HPSE2: variants seen among roughly 807,000 people sequenced by gnomAD.
HPSE2 encodes inactive heparanase-2.
Under a neutral mutation model 60.5 loss-of-function variants are expected in HPSE2, and 38 were observed. The ratio of observed to expected loss-of-function variants is 0.63; its 90% CI spans 0.48 to 0.82. The LOEUF is 0.82. Ranked by LOEUF, HPSE2 falls within the 40% of genes least tolerant of loss-of-function variation. The pLI, the probability that HPSE2 is intolerant of heterozygous loss-of-function variation, is 0.00. For synonymous variants in HPSE2, 295 were observed against 293.2 expected, an observed-to-expected ratio of 1.01 and a Z score of -0.06; for missense variants, 713 against 740.4, an observed-to-expected ratio of 0.96 and a Z score of 0.43.
At chr10:99,312,884 G>T in the HPSE2 span, among the ~76,000 whole-genome samples, 1 of 152,194 alleles carries the variant, frequency 6.6e-6, no homozygotes, top group South Asian at 2.1e-4. Context: ...GTATGGCCAG[G>T]TGGGAGGTCA....
At chr10:98,586,096 A>G (rs879094694) in intron 9 of HPSE2, among the ~76,000 whole-genome samples, 3 of 152,160 alleles carry the variant, frequency 2.0e-5, no homozygotes, top group Admixed American at 2.0e-4. Flanking sequence ...AGACAACAAA[A>G]AAGACATGGA....
chr10:98,483,053 A>G (rs1172596188), intron 10 of HPSE2, among the ~76,000 whole-genome samples: 2 of 152,230 alleles, frequency 1.3e-5, no homozygotes, highest in Non-Finnish European at 2.9e-5. Context: ...GGCATATATT[A>G]CCATAGTATG....
intron 9 of HPSE2, among the ~76,000 whole-genome samples, chr10:98,537,623 TTC>T (rs1564949064): frequency 1.3e-5 from 2 of 152,208 alleles, no homozygotes; most frequent in Non-Finnish European, 2.9e-5. Flanking sequence ...CAGGTGAGCC[TTC>T]TGTCACGCCC....
intron 2 of HPSE2, among the ~76,000 whole-genome samples, chr10:99,145,081 C>T (rs551886749): frequency 1.3e-5 from 2 of 152,328 alleles, no homozygotes; most frequent in East Asian, 3.9e-4. Flanking sequence ...TTTTCCCATA[C>T]TGCTTTTTAT....
chr10:98,699,488 A>G (rs1948339423), intron 5 of HPSE2, among the ~76,000 whole-genome samples: 1 of 100,416 alleles, frequency 1.0e-5, no homozygotes, highest in Non-Finnish European at 2.3e-5. Context: ...GATGGGACAT[A>G]TCTCAAAATA....
chr10:99,245,832 A>G, the HPSE2 span, among the ~76,000 whole-genome samples: 1 of 152,242 alleles, frequency 6.6e-6, no homozygotes, highest in African/African-American at 2.4e-5. Context: ...TTGAATGAAG[A>G]TGGTCAGTAA....
At chr10:98,747,304 C>T (rs76723554) in intron 3 of HPSE2, among the ~76,000 whole-genome samples, 3,748 of 152,146 alleles carry the variant, frequency 0.025, 60 homozygotes, top group Non-Finnish European at 0.034. Flanking sequence ...ATGTTTGCAT[C>T]AAAATTTAAT....
At chr10:98,957,142 T>C (rs1270902699) in intron 3 of HPSE2, among the ~76,000 whole-genome samples, 1 of 152,182 alleles carries the variant, frequency 6.6e-6, no homozygotes, top group African/African-American at 2.4e-5. Flanking sequence ...AAGATGCTTA[T>C]CTAACCTCCC....
At position 98,488,507 on chromosome 10, in the gene HPSE2, G is replaced by C. The variant is rs543878665; in HGVS notation, c.1466+1544C>G. ...TGTTAAAGAATGAGGATGAACACTC[G>C]AGATCACGTGAGGAGGCTTCTATGA... On this transcript the variant is annotated intron_variant, in intron 10 of 11. Coordinates refer to ENST00000370552, the MANE Select transcript of HPSE2 (RefSeq NM_021828.5). 2.0e-5 allele frequency among the ~76,000 whole-genome samples: 3 copies of C among 152,148 alleles called. 1 individual carries two copies. The South Asian group carries it at 6.2e-4, about 32-fold the overall frequency.
chr10:98,477,841 T>C (rs989352061), intron 11 of HPSE2, among the ~76,000 whole-genome samples: 1 of 151,584 alleles, frequency 6.6e-6, no homozygotes, highest in Non-Finnish European at 1.5e-5. Flanking sequence ...CCACCTGAGC[T>C]CCACCTCCTG....
At chr10:98,493,122 A>G (rs1377564567) in intron 9 of HPSE2, among the ~76,000 whole-genome samples, 1 of 152,182 alleles carries the variant, frequency 6.6e-6, no homozygotes, top group East Asian at 1.9e-4. Flanking sequence ...CTCAAGGTTC[A>G]TCCATGTTGT....
chr10:98,721,884 C>G (rs1327463508), intron 4 of HPSE2, 56 bp from the exon 5 acceptor site: 1 of 1,393,536 alleles, frequency 7.2e-7, no homozygotes, highest in Non-Finnish European at 1.0e-6. Context: ...TCTGCCAACA[C>G]TTTCCTGTCC....
At chr10:98,812,944 T>C (rs1453351631) in intron 3 of HPSE2, among the ~76,000 whole-genome samples, 1 of 152,110 alleles carries the variant, frequency 6.6e-6, no homozygotes, top group Non-Finnish European at 1.5e-5. Context: ...TTCAGGGAAG[T>C]TTGGGAATCA....
intron 9 of HPSE2, among the ~76,000 whole-genome samples, chr10:98,531,572 C>G (rs1474482800): frequency 2.0e-5 from 3 of 152,308 alleles, no homozygotes; most frequent in African/African-American, 7.2e-5. Flanking sequence ...ATGATCATGG[C>G]TTATAATTCC....
At chr10:98,959,530 T>C (rs1955595835) in intron 3 of HPSE2, among the ~76,000 whole-genome samples, 1 of 152,156 alleles carries the variant, frequency 6.6e-6, no homozygotes, top group African/African-American at 2.4e-5. Flanking sequence ...GCACTGTTTG[T>C]GCCCAAAACG....
the HPSE2 span, among the ~76,000 whole-genome samples, chr10:99,252,842 A>G: frequency 6.8e-6 from 1 of 146,114 alleles, no homozygotes; most frequent in African/African-American, 2.6e-5. Flanking sequence ...GCACCACTGT[A>G]CTCCAGCCTG....
chr10:99,301,786 T>C, the HPSE2 span, among the ~76,000 whole-genome samples: 19 of 151,970 alleles, frequency 1.3e-4, no homozygotes, highest in African/African-American at 4.4e-4. Flanking sequence ...TTAGATATCA[T>C]GAGCCCCCAC....
the HPSE2 span, among the ~76,000 whole-genome samples, chr10:99,288,658 T>C: frequency 7.1e-6 from 1 of 140,432 alleles, no homozygotes; most frequent in Non-Finnish European, 1.5e-5. Context: ...AGGGGGACAC[T>C]GGGAACTATA....
chr10:99,132,302 T>C (rs1159057291), intron 3 of HPSE2, among the ~76,000 whole-genome samples: 3 of 151,394 alleles, frequency 2.0e-5, no homozygotes, highest in African/African-American at 4.9e-5. Flanking sequence ...AAAGAATTTA[T>C]GCATGTAACC....
Sources: allele counts gnomAD v4.1 joint callset (sites outside exome capture counted in the v4.1 genomes callset), GRCh38; gene constraint gnomAD v4.1.1; transcripts MANE v1.5; gene names NCBI Gene and HGNC (gene_info 2026-07-23, HGNC 2026-07-21).